ZNF629: variants seen among roughly 807,000 people sequenced by gnomAD.
ZNF629 encodes DNA-binding protein.
ZNF629 carries 9 observed loss-of-function variants against 59.7 expected under a neutral mutation model. The ratio of observed to expected loss-of-function variants is 0.15; its 90% CI spans 0.09 to 0.26. The LOEUF is 0.26. Among genes scored for constraint, ZNF629 ranks in the 10% least tolerant of loss-of-function variants. ZNF629 has a pLI of 1.00. For missense variants in ZNF629, 853 were observed against 1,165.4 expected (o/e 0.73, Z 3.90); for synonymous variants, 509 against 498.9 (o/e 1.02, Z -0.27).
chr16:30,779,998 A>G lies in ZNF629; in HGVS notation c.*1720T>C, dbSNP rs1178235244. 2 of 152,656 alleles carry G rather than the reference A, an allele frequency of 1.3e-5. No individual in the cohort carries two copies. The highest frequency in any genetic ancestry group is 4.1e-4 in the South Asian group (2 of 4,822). The allele number at this position is 152,656 out of a possible 1,614,324, so 9.5% of individuals were successfully genotyped here. On this transcript the variant is annotated 3_prime_UTR_variant, in exon 3 of 3. Transcript: ENST00000262525. ...TCTGTCTTCCACCATCTCATAGGGC[A>G]ACAGTCTCTCCCCAGCCACATATGC...
rs1448206468 is a variant in ZNF629, at chr16:30,780,479, C to T, written c.*1239G>A. The T allele has an allele frequency of 6.6e-6, 1 of 152,654 alleles. No homozygotes were observed. Among genetic ancestry groups the T allele is most frequent in the Non-Finnish European group, 1.5e-5 (1 of 68,050 alleles). The allele number at this position is 152,654 out of a possible 1,614,324, so 9.5% of individuals were successfully genotyped here. On this transcript the variant is annotated 3_prime_UTR_variant, in exon 3 of 3. Transcript: ENST00000262525. ...GGAGGCCCACACGCAGGCCCTAAGT[C>T]TCTGAAGGGCTTTATTCTTTGGAGG...
chr16:30,781,945 GT>G lies in ZNF629; in HGVS notation c.2382del (p.Lys794AsnfsTer43). On this transcript the variant is annotated frameshift_variant, in exon 3 of 3. Coordinates refer to ENST00000262525, the MANE Select transcript of ZNF629 (RefSeq NM_001080417.3). LOFTEE classifies it high-confidence loss of function. ...TRHQETHTQE[K>X]PPNPEDPPPE... is the part of the protein sequence containing the mutation. Reference sequence around the variant, plus strand: ...GGAGGGGGGTCCTCGGGATTGGGGGGTTTTTCCTGGGTGTGGGTTTCTTGGT... The same window carrying G: ...GGAGGGGGGTCCTCGGGATTGGGGGGTTTTCCTGGGTGTGGGTTTCTTGGT... 6.5e-7 allele frequency: 1 copy of G among 1,539,686 alleles called. No individual in the cohort carries two copies.
Position 30,786,928 on chromosome 16 carries a change from C to T in ZNF629, c.-34+100G>A, listed in dbSNP as rs2054339410. The T allele has an allele frequency of 6.6e-6, 1 of 151,954 alleles. No individual in the cohort carries two copies. Among genetic ancestry groups the T allele is most frequent in the African/African-American group, 2.4e-5 (1 of 41,390 alleles). 9.4% of individuals were successfully genotyped at this position (151,954 alleles called of 1,614,324 possible). A position where few individuals can be genotyped will look rare whatever the true frequency, so the allele number is the denominator to read the frequency against. On this transcript the variant is annotated intron_variant, in intron 1 of 2. Transcript: ENST00000262525. This position sits in a 1 kb window ranked among gnomAD's most constrained non-coding sequence, Gnocchi z 4.8. ...CCCGGGCGCGGGTGGGGGGCTCAGG[C>T]CCGGGCTCCCGGCCCCCGCCTCCCG...
At position 30,780,343 on chromosome 16, in the gene ZNF629, G is replaced by C. The variant is rs1199552320; in HGVS notation, c.*1375C>G. 6.6e-6 allele frequency: 1 copy of C among 152,528 alleles called. No individual in the cohort carries two copies. The highest frequency in any genetic ancestry group is 1.5e-5 in the Non-Finnish European group (1 of 68,040). 9.4% of individuals were successfully genotyped at this position (152,528 alleles called of 1,614,324 possible). A position where few individuals can be genotyped will look rare whatever the true frequency, so the allele number is the denominator to read the frequency against. On this transcript the variant is annotated 3_prime_UTR_variant, in exon 3 of 3. Coordinates refer to ENST00000262525, the MANE Select transcript of ZNF629 (RefSeq NM_001080417.3). ...AGGGAGGAGGGCTGCCTTATCCTGC[G>C]GGGCAGCCTTGCTACCAACAAAGAT...
At position 30,783,948 on chromosome 16, in the gene ZNF629, A is replaced by G. The variant is rs142290488; in HGVS notation, c.380T>C (p.Val127Ala). 5 of 1,588,400 alleles carry G rather than the reference A, an allele frequency of 3.1e-6. No homozygotes were observed. Among genetic ancestry groups the G allele is most frequent in the Non-Finnish European group, 3.4e-6 (4 of 1,167,208 alleles). ...GALTTWNSPPVVPANEPSLRE... is the reference protein window; with the variant it reads ...GALTTWNSPPAVPANEPSLRE... ...CAGGCTGGGCTCGTTGGCGGGGACGACTGGGGGGCTGTTCCATGTGGTGAG... is the reference window on the plus strand; with the variant it reads ...CAGGCTGGGCTCGTTGGCGGGGACGGCTGGGGGGCTGTTCCATGTGGTGAG... Residue 127 changes from valine (V) to alanine (A), a missense_variant, in exon 3 of 3, where the codon GTC (valine) becomes GCC (alanine). Coordinates refer to ENST00000262525, the MANE Select transcript of ZNF629 (RefSeq NM_001080417.3).
rs936101604 is a variant in ZNF629, at chr16:30,779,715, G to C, written c.*2003C>G. ...CAAATGGCGAAGGATTTGCATAAAG[G>C]TTGTGTGAAACTTTAGGTCATGGAA... On this transcript the variant is annotated 3_prime_UTR_variant, in exon 3 of 3. Transcript: ENST00000262525. 6.6e-6 allele frequency: 1 copy of C among 152,154 alleles called. No homozygotes were observed. Among genetic ancestry groups the C allele is most frequent in the Non-Finnish European group, 1.5e-5 (1 of 68,036 alleles). 9.4% of individuals were successfully genotyped at this position (152,154 alleles called of 1,614,324 possible). A position where few individuals can be genotyped will look rare whatever the true frequency, so the allele number is the denominator to read the frequency against.
At position 30,786,497 on chromosome 16, in the gene ZNF629, C is replaced by G. The variant is rs566244224; in HGVS notation, c.-34+531G>C. Among the ~76,000 whole-genome samples, 28 of 152,330 alleles carry G rather than the reference C, an allele frequency of 1.8e-4. No individual in the cohort carries two copies. The highest frequency in any genetic ancestry group is 2.6e-4 in the Admixed American group (4 of 15,306). On this transcript the variant is annotated intron_variant, in intron 1 of 2. Coordinates refer to ENST00000262525, the MANE Select transcript of ZNF629 (RefSeq NM_001080417.3). This position sits in a 1 kb window ranked among gnomAD's most constrained non-coding sequence, Gnocchi z 4.8. ...GAGCCCAGGCGCCAGGCACGCCAGC[C>G]TGAGACCTCGCGATGGCCCCACTGC...
In ZNF629 at chr16:30,778,514, C is replaced by T. The variant is rs945799515; in HGVS notation, c.*3204G>A. ...CAACATGACCACCAGTGACACAACACTGTTTTGGACACACAACACTCAAAA... is the reference window on the plus strand; with the variant it reads ...CAACATGACCACCAGTGACACAACATTGTTTTGGACACACAACACTCAAAA... On this transcript the variant is annotated 3_prime_UTR_variant, in exon 3 of 3. Coordinates refer to ENST00000262525, the MANE Select transcript of ZNF629 (RefSeq NM_001080417.3). 1 of 152,726 alleles carries T rather than the reference C, an allele frequency of 6.5e-6. No individual in the cohort carries two copies. The highest frequency in any genetic ancestry group is 2.4e-5 in the African/African-American group (1 of 41,472). The allele number at this position is 152,726 out of a possible 1,614,324, so 9.5% of individuals were successfully genotyped here.
At chr16:30,784,660 G>T (rs527726338) in intron 1 of ZNF629, 145 bp from the exon 2 acceptor site, 6 of 629,796 alleles carry the variant, frequency 9.5e-6, no homozygotes, top group Non-Finnish European at 1.6e-5. Flanking sequence ...TTCTGGGCAC[G>T]GGTTCTTGCT....
rs1383879077 is a variant in ZNF629 at position 30,780,461 on chromosome 16, C to T, written c.*1257G>A. ...TGACTTGGAGAAGGCTGGGGAGGCC[C>T]ACACGCAGGCCCTAAGTCTCTGAAG... On this transcript the variant is annotated 3_prime_UTR_variant, in exon 3 of 3. Coordinates refer to ENST00000262525, the MANE Select transcript of ZNF629 (RefSeq NM_001080417.3). The T allele has an allele frequency of 3.3e-5, 5 of 152,652 alleles. No individual in the cohort carries two copies. The highest frequency in any genetic ancestry group is 2.9e-5 in the Non-Finnish European group (2 of 68,036). 9.5% of individuals were successfully genotyped at this position (152,652 alleles called of 1,614,324 possible). A position where few individuals can be genotyped will look rare whatever the true frequency, so the allele number is the denominator to read the frequency against.
At position 30,783,874 on chromosome 16, in the gene ZNF629, A is replaced by G; in HGVS notation, c.454T>C (p.Cys152Arg). The G allele has an allele frequency of 6.2e-7, 1 of 1,608,856 alleles. No individual in the cohort carries two copies. Among genetic ancestry groups the G allele is most frequent in the Non-Finnish European group, 8.5e-7 (1 of 1,177,078 alleles). The change falls in exon 3 of 3, where the codon TGC (cysteine) becomes CGC (arginine). Residue 152 changes from cysteine to arginine, a missense_variant. Coordinates refer to ENST00000262525, the MANE Select transcript of ZNF629 (RefSeq NM_001080417.3). The part of the protein sequence containing the change: ...RPAGAEKPYI[C>R]NECGKSFSQW... ...CTGAAGCTCTTGCCGCACTCGTTGC[A>G]GATGTAGGGCTTCTCCGCCCCCGCC...
At position 30,781,973 on chromosome 16, in the gene ZNF629, C is replaced by G; in HGVS notation, c.2355G>C (p.Arg785=). The G allele has an allele frequency of 6.4e-7, 1 of 1,554,508 alleles. No individual in the cohort carries two copies. The highest frequency in any genetic ancestry group is 8.7e-7 in the Non-Finnish European group (1 of 1,151,182). ...TTTCCTGGGTGTGGGTTTCTTGGTGCCGGGTGAGGGCCACGCGGTCGAGGA... is the reference window on the plus strand; with the variant it reads ...TTTCCTGGGTGTGGGTTTCTTGGTGGCGGGTGAGGGCCACGCGGTCGAGGA... ...ASFLDRVALT[R]HQETHTQEKP... is the part of the protein sequence containing the mutation. Residue 785 remains arginine, a synonymous_variant, in exon 3 of 3, where the codon CGG becomes CGC. Transcript: ENST00000262525.
In ZNF629 at chr16:30,782,530, C is replaced by T; in HGVS notation, c.1798G>A (p.Ala600Thr). ...GCTGCGTGTGCGATGAGGCCGTCTGCATTTTTGTAGGGGTTTTCTCCGATG... is the reference window on the plus strand; with the variant it reads ...GCTGCGTGTGCGATGAGGCCGTCTGTATTTTTGTAGGGGTTTTCTCCGATG... ...IHIGENPYKN[A>T]DGLIAHAAPK... The change falls in exon 3 of 3, where the codon GCA becomes ACA. Residue 600 changes from alanine (A) to threonine (T), a missense_variant. This residue lies in a region of ZNF629 where 420 missense variants were observed against 435.6 expected (regional missense o/e 0.96). Transcript: ENST00000262525. 1 of 1,561,764 alleles carries T rather than the reference C, an allele frequency of 6.4e-7. No homozygotes were observed. Among genetic ancestry groups the T allele is most frequent in the Non-Finnish European group, 8.7e-7 (1 of 1,152,258 alleles).
chr16:30,782,634 C>T lies in ZNF629; in HGVS notation c.1694G>A (p.Gly565Glu). ...GDPSLLTPPP[G>E]AKPHKCLVCG... ...CACGAGACACTTGTGCGGCTTGGCT[C>T]CCGGCGGCGGGGTCAGCAGGGAGGG... The change falls in exon 3 of 3, where the codon GGA (glycine) becomes GAA (glutamate). Residue 565 changes from glycine (G) to glutamate (E), a missense_variant. Gly to Glu is a moderately conservative substitution (Grantham distance 98). Transcript: ENST00000262525. 1 of 1,573,090 alleles carries T rather than the reference C, an allele frequency of 6.4e-7. No homozygotes were observed. Among genetic ancestry groups the T allele is most frequent in the Middle Eastern group, 1.7e-4 (1 of 6,012 alleles).
At position 30,782,801 on chromosome 16, in the gene ZNF629, C is replaced by G; in HGVS notation, c.1527G>C (p.Met509Ile). ...CGGAGCACACGAACAGGTTCTCGTC[C>G]ATGTGCGTGCGGACGTGGGTAATAA... ...SNLITHVRTH[M>I]DENLFVCSDC... Residue 509 changes from methionine to isoleucine, a missense_variant, in exon 3 of 3, where the codon ATG becomes ATC. By Grantham distance (10) the Met-to-Ile change is conservative. This residue lies in a region of ZNF629 where 201 missense variants were observed against 536.5 expected (regional missense o/e 0.37). Coordinates refer to ENST00000262525, the MANE Select transcript of ZNF629 (RefSeq NM_001080417.3). The G allele has an allele frequency of 6.2e-7, 1 of 1,614,080 alleles. No individual in the cohort carries two copies. The highest frequency in any genetic ancestry group is 8.5e-7 in the Non-Finnish European group (1 of 1,179,956).
chr16:30,783,693 C>T lies in ZNF629; in HGVS notation c.635G>A (p.Gly212Asp). 1 of 1,613,408 alleles carries T rather than the reference C, an allele frequency of 6.2e-7. No homozygotes were observed. The highest frequency in any genetic ancestry group is 8.5e-7 in the Non-Finnish European group (1 of 1,179,652). Residue 212 changes from glycine (G) to aspartate (D), a missense_variant, in exon 3 of 3, where the codon GGC becomes GAC. This residue lies in a region of ZNF629 where 201 missense variants were observed against 536.5 expected (regional missense o/e 0.37). Coordinates refer to ENST00000262525, the MANE Select transcript of ZNF629 (RefSeq NM_001080417.3). ...GTTGGAGCTCCAGCTGAAGCACTTGCCGCAGTCGGGGCACTTGTAGGGCTT... is the reference window on the plus strand; with the variant it reads ...GTTGGAGCTCCAGCTGAAGCACTTGTCGCAGTCGGGGCACTTGTAGGGCTT... Reference protein sequence around the residue: ...GEKPYKCPDCGKCFSWSSNLV... With the variant: ...GEKPYKCPDCDKCFSWSSNLV...
In ZNF629 at chr16:30,782,730, C is replaced by T. The variant is rs1175782163; in HGVS notation, c.1598G>A (p.Arg533Gln). The T allele has an allele frequency of 2.5e-6, 4 of 1,613,076 alleles. No individual in the cohort carries two copies. The highest frequency in any genetic ancestry group is 2.2e-5 in the East Asian group (1 of 44,864). Residue 533 changes from arginine (R) to glutamine (Q), a missense_variant, in exon 3 of 3, where the codon CGG becomes CAG. Arg to Gln is a conservative substitution (Grantham distance 43). This residue lies in a region of ZNF629 where 420 missense variants were observed against 435.6 expected (regional missense o/e 0.96). Transcript: ENST00000262525. ...FLEAHELEQH[R>Q]VIHERGKTPA... ...GGTCTTCCCCCTCTCATGGATCACC[C>T]GGTGCTGCTCCAGCTCGTGGGCTTC...
Position 30,779,225 on chromosome 16 carries a change from AGGCCTGCGCC to A in ZNF629, c.*2483_*2492del, listed in dbSNP as rs1347541258. 6.6e-6 allele frequency: 1 copy of A among 152,272 alleles called. No homozygotes were observed. Among genetic ancestry groups the A allele is most frequent in the Non-Finnish European group, 1.5e-5 (1 of 68,100 alleles). The allele number at this position is 152,272 out of a possible 1,614,324, so 9.4% of individuals were successfully genotyped here. A position where few individuals can be genotyped will look rare whatever the true frequency, so the allele number is the denominator to read the frequency against. ...AATATGCTACACCCTAGTCCGAAAC[AGGCCTGCGCC>A]GGCCTTCAGTCACACTGCCTGCCTC... On this transcript the variant is annotated 3_prime_UTR_variant, in exon 3 of 3. Coordinates refer to ENST00000262525, the MANE Select transcript of ZNF629 (RefSeq NM_001080417.3).
Position 30,781,805 on chromosome 16 carries a change from G to A in ZNF629, c.2523C>T (p.Pro841=), listed in dbSNP as rs896712512. The A allele has an allele frequency of 1.9e-6, 3 of 1,610,862 alleles. No individual in the cohort carries two copies. The Admixed American group carries it at 5.0e-5, about 27-fold the overall frequency. Reference sequence around the variant, plus strand: ...CGGCTCCACACTCGGGGCACAGATAGGGCTTTTCTTCCACTAGGGTTTTGG... The same window carrying A: ...CGGCTCCACACTCGGGGCACAGATAAGGCTTTTCTTCCACTAGGGTTTTGG... The part of the protein sequence containing the change: ...QNPKTLVEEK[P]YLCPECGAGF... Residue 841 remains proline (P), a synonymous_variant, in exon 3 of 3, where the codon CCC becomes CCT. Transcript: ENST00000262525.
Sources: allele counts gnomAD v4.1 joint callset (sites outside exome capture counted in the v4.1 genomes callset), GRCh38; gene constraint gnomAD v4.1.1; regional missense constraint gnomAD v4.1.1; non-coding constraint Gnocchi (gnomAD v3.1); transcripts MANE v1.5; gene names NCBI Gene and HGNC (gene_info 2026-07-23, HGNC 2026-07-21).